DIP2C: variants seen among roughly 807,000 people sequenced by gnomAD.
DIP2C encodes DIP2 acetate--CoA ligase C (putative).
A neutral mutation model predicts 192.4 loss-of-function variants in DIP2C; 33 were observed. The observed-to-expected ratio is 0.17, with a 90% CI of 0.13 to 0.23. The LOEUF (loss-of-function observed/expected upper bound fraction) is 0.23, where lower values mean the gene tolerates loss of function less well. DIP2C is among the 10% of genes least tolerant of loss of function. The probability of loss-of-function intolerance (pLI) is 1.00; values close to 1 mark genes in which losing one functional copy is unlikely to be tolerated. For synonymous variants in DIP2C, 979 were observed against 864.1 expected (o/e 1.13, Z -2.33); for missense variants, 1,537 against 2,110.1 (o/e 0.73, Z 5.32).
chr10:354,176 C>A (rs1958963245), intron 24 of DIP2C, among the ~76,000 whole-genome samples: 2 of 152,262 alleles, frequency 1.3e-5, no homozygotes, highest in Admixed American at 6.5e-5. Flanking sequence ...TCAGGCCATG[C>A]CTTCCACACA....
At chr10:378,708 T>C (rs902908212) in intron 17 of DIP2C, among the ~76,000 whole-genome samples, 7 of 150,304 alleles carry the variant, frequency 4.7e-5, no homozygotes, top group Admixed American at 3.9e-4. Context: ...CATGAACAGA[T>C]ATGCACAGAC....
At chr10:510,258 T>C (rs1022655820) in intron 1 of DIP2C, among the ~76,000 whole-genome samples, 2 of 152,222 alleles carry the variant, frequency 1.3e-5, no homozygotes, top group African/African-American at 4.8e-5. Flanking sequence ...AGGAAAATGC[T>C]GCTTGGAGAA....
chr10:350,114 GTC>G (rs1564598632), intron 24 of DIP2C, among the ~76,000 whole-genome samples: 1 of 152,142 alleles, frequency 6.6e-6, no homozygotes, highest in African/African-American at 2.4e-5. Context: ...TTGAGACAGG[GTC>G]TCTGTCTCCC....
At chr10:487,597 T>G (rs965887896) in intron 1 of DIP2C, among the ~76,000 whole-genome samples, 5 of 90,466 alleles carry the variant, frequency 5.5e-5, no homozygotes, top group East Asian at 3.8e-4. Flanking sequence ...TTTTTTTTTT[T>G]GAGACAGTCT....
chr10:452,473 C>A (rs962637703), intron 3 of DIP2C, among the ~76,000 whole-genome samples: 1 of 152,168 alleles, frequency 6.6e-6, no homozygotes, highest in Non-Finnish European at 1.5e-5. Flanking sequence ...TAAAGTGAGT[C>A]AGAATCTACC....
In DIP2C at chr10:595,658, G is replaced by T. The variant is rs943671024; in HGVS notation, c.85+93836C>A. ...CATCTACACAGGGACATCGGTTCCA[G>T]GACACCCCGGGTTTACCGAAATCCA... On this transcript the variant is annotated intron_variant, in intron 1 of 36. Coordinates refer to ENST00000280886, the MANE Select transcript of DIP2C (RefSeq NM_014974.3). 2.0e-5 allele frequency among the ~76,000 whole-genome samples: 3 copies of T among 152,222 alleles called. No homozygotes were observed. The East Asian group carries it at 5.8e-4, about 29-fold the overall frequency.
intron 2 of DIP2C, among the ~76,000 whole-genome samples, chr10:477,749 G>A (rs1435651637): frequency 9.6e-6 from 1 of 103,926 alleles, no homozygotes; most frequent in Non-Finnish European, 2.1e-5. Flanking sequence ...GAACGAGAAA[G>A]AAAAGGAGAG....
rs879424475 is a variant in DIP2C, at chr10:593,496, C to A, written c.85+95998G>T. Reference sequence around the variant, plus strand: ...TCTGCCCACGCGGGACCCCCCCCCCCCCACCCTTTCTGGAGAAATCAGCTG... The same window carrying A: ...TCTGCCCACGCGGGACCCCCCCCCCACCACCCTTTCTGGAGAAATCAGCTG... On this transcript the variant is annotated intron_variant, in intron 1 of 36. Transcript: ENST00000280886. Among the ~76,000 whole-genome samples the A allele has an allele frequency of 1.2e-4, 15 of 125,678 alleles. 2 individuals carry two copies. Among genetic ancestry groups the A allele is most frequent in the East Asian group, 6.1e-4 (2 of 3,298 alleles). 82.4% of individuals were successfully genotyped at this position (125,678 alleles called of 152,430 possible). A position where few individuals can be genotyped will look rare whatever the true frequency, so the allele number is the denominator to read the frequency against.
intron 32 of DIP2C, among the ~76,000 whole-genome samples, chr10:306,620 CAAG>C (rs1956337080): frequency 6.6e-6 from 1 of 152,174 alleles, no homozygotes; most frequent in African/African-American, 2.4e-5. Context: ...GGAAGAGTAA[CAAG>C]AAAGAAATAA....
intron 1 of DIP2C, among the ~76,000 whole-genome samples, chr10:579,441 C>T (rs183361128): frequency 6.6e-6 from 1 of 151,782 alleles, no homozygotes; most frequent in Non-Finnish European, 1.5e-5. Context: ...CACTATAACA[C>T]ATGTGTACAT....
intron 1 of DIP2C, among the ~76,000 whole-genome samples, chr10:674,455 T>C (rs1830785030): frequency 6.6e-6 from 1 of 152,006 alleles, no homozygotes; most frequent in Non-Finnish European, 1.5e-5. Context: ...CACCCAGATA[T>C]ATAAAGCAAA....
chr10:484,839 C>G (rs528956215), intron 2 of DIP2C: 1 of 1,611,646 alleles, frequency 6.2e-7, no homozygotes, highest in Admixed American at 1.7e-5. Flanking sequence ...GCTCCCGAGC[C>G]GCAGCTTCTC....
intron 22 of DIP2C, among the ~76,000 whole-genome samples, chr10:360,308 G>A (rs1366546782): frequency 6.6e-6 from 1 of 152,148 alleles, no homozygotes; most frequent in Non-Finnish European, 1.5e-5. Context: ...CCCTGTTGAA[G>A]AGAGGTGGGC....
intron 1 of DIP2C, among the ~76,000 whole-genome samples, chr10:562,246 T>C (rs1239615517): frequency 6.6e-6 from 1 of 152,232 alleles, no homozygotes; most frequent in East Asian, 1.9e-4. Context: ...GGATTTTCCC[T>C]GTTCACCAAC....
chr10:372,506 C>G (rs1327598935), intron 17 of DIP2C, among the ~76,000 whole-genome samples: 2 of 152,202 alleles, frequency 1.3e-5, no homozygotes, highest in Admixed American at 1.3e-4. Context: ...AATGATAGTT[C>G]CAGGAGGCTG....
intron 1 of DIP2C, among the ~76,000 whole-genome samples, chr10:530,530 G>C (rs2130856632): frequency 6.6e-6 from 1 of 151,900 alleles, no homozygotes; most frequent in South Asian, 2.1e-4. Flanking sequence ...TTAAAAACAT[G>C]GCTGTAGGCT....
intron 1 of DIP2C, among the ~76,000 whole-genome samples, chr10:534,067 T>C (rs935631872): frequency 8.6e-5 from 13 of 151,102 alleles, no homozygotes; most frequent in Non-Finnish European, 8.8e-5. Flanking sequence ...CCTTCTGCAG[T>C]GACGATGGTC....
intron 1 of DIP2C, among the ~76,000 whole-genome samples, chr10:686,363 C>G (rs1831336267): frequency 6.6e-6 from 1 of 151,832 alleles, no homozygotes; most frequent in Non-Finnish European, 1.5e-5. Context: ...GTGGTCTCCC[C>G]ACCTGCACAG....
At chr10:349,822 T>C (rs1958703836) in intron 24 of DIP2C, among the ~76,000 whole-genome samples, 1 of 152,176 alleles carries the variant, frequency 6.6e-6, no homozygotes, top group Non-Finnish European at 1.5e-5. Context: ...CAGTGGGAAT[T>C]CCTAGTACAC....
Sources: gnomAD v4.1 joint callset for allele counts (sites outside exome capture counted in the v4.1 genomes callset) on GRCh38, gnomAD v4.1.1 for gene constraint, MANE v1.5 for transcripts, NCBI Gene and HGNC (gene_info 2026-07-23, HGNC 2026-07-21) for gene names.